Variants in DOCK9 observed in about 807,000 individuals in gnomAD.
DOCK9 encodes the protein dedicator of cytokinesis 9.
In DOCK9, 89 loss-of-function variants were observed where a neutral mutation model predicts 263.3. The observed-to-expected ratio is 0.34, with a 90% confidence interval of 0.28 to 0.40. The LOEUF is 0.40. DOCK9 is among the 10% of genes least tolerant of loss of function. The pLI is 1.00. For missense variants in DOCK9, 2,140 were observed against 2,603.4 expected, an observed-to-expected ratio of 0.82 and a Z score of 3.87; for synonymous variants, 976 against 973.1, an observed-to-expected ratio of 1.00 and a Z score of -0.06.
chr13:98,809,361 G>T lies in DOCK9; in HGVS notation c.5358C>A (p.Phe1786Leu), dbSNP rs1239861899. 6.2e-7 allele frequency: 1 copy of T among 1,613,602 alleles called. No individual in the cohort carries two copies. Residue 1786 changes from phenylalanine (F) to leucine (L), a missense_variant, in exon 47 of 53, where the codon TTC becomes TTA. By Grantham distance (22) the Phe-to-Leu change is conservative. Transcript: ENST00000682017. ...TGGACAGGAGGCTCACCTGCCCGAA[G>T]AAGGCTACCCGGAAGTAGGTCCCCA... ...RLLGTYFRVA[F>L]FGQGFFEDED...
At chr13:98,910,829 A>T (rs7986473) in intron 9 of DOCK9, among the ~76,000 whole-genome samples, 4 of 152,130 alleles carry the variant, frequency 2.6e-5, no homozygotes, top group South Asian at 2.1e-4. Flanking sequence ...ACCTCTTCAT[A>T]CCCTGGGTAA....
intron 49 of DOCK9, among the ~76,000 whole-genome samples, chr13:98,803,842 A>G (rs1176408919): frequency 1.3e-5 from 2 of 152,224 alleles, no homozygotes; most frequent in African/African-American, 4.8e-5. Flanking sequence ...CACTTTAAGA[A>G]CACAGTTTTG....
chr13:98,913,419 T>C (rs1005083483), intron 9 of DOCK9, among the ~76,000 whole-genome samples: 1 of 152,056 alleles, frequency 6.6e-6, no homozygotes, highest in Admixed American at 6.6e-5. Context: ...GCTTTGTTTA[T>C]AATAGAAAAA....
chr13:99,004,205 A>C (rs1415675927), intron 1 of DOCK9, among the ~76,000 whole-genome samples: 1 of 152,154 alleles, frequency 6.6e-6, no homozygotes, highest in African/African-American at 2.4e-5. Context: ...TGGCAGCCTT[A>C]TGGGCCCTCT....
At chr13:99,073,599 G>A (rs936094658) in intron 1 of DOCK9, among the ~76,000 whole-genome samples, 1 of 152,102 alleles carries the variant, frequency 6.6e-6, no homozygotes, top group African/African-American at 2.4e-5. Flanking sequence ...TCCCTTTAAG[G>A]CTAGGGGGTT....
At chr13:98,834,839 A>G (rs1346227503) in intron 39 of DOCK9, among the ~76,000 whole-genome samples, 2 of 152,200 alleles carry the variant, frequency 1.3e-5, no homozygotes, top group African/African-American at 2.4e-5. Context: ...TCATTCAAAT[A>G]CCTTGATCTT....
chr13:98,798,947 C>T (rs2089781700), intron 50 of DOCK9, among the ~76,000 whole-genome samples: 1 of 152,206 alleles, frequency 6.6e-6, no homozygotes, highest in African/African-American at 2.4e-5. Context: ...GTGCCACACC[C>T]CTCCAGCGGC....
rs2093934791 is a variant in DOCK9, at chr13:98,863,535, G to C, written c.3300C>G (p.Asp1100Glu). 6.2e-7 allele frequency: 1 copy of C among 1,609,962 alleles called. No homozygotes were observed. The highest frequency in any genetic ancestry group is 8.5e-7 in the Non-Finnish European group (1 of 1,177,286). ...TGCAGAACTCATCTGTTAATGAGTA[G>C]TCAAGCTGGAGGTCTGAAATGAGGA... ...RIQRYQDLQL[D>E]YSLTDEFCRN... Residue 1100 changes from aspartate (D) to glutamate (E), a missense_variant, in exon 31 of 53, where the codon GAC becomes GAG. Physicochemically the swap from Asp to Glu is conservative, Grantham distance 45 (BLOSUM62 2). This residue lies in a region of DOCK9 where 1,521 missense variants were observed against 1,741.7 expected (regional missense o/e 0.87). Coordinates refer to ENST00000682017, the MANE Select transcript of DOCK9 (RefSeq NM_001366683.2).
rs773568967 is a variant in DOCK9, at chr13:98,883,843, G to A, written c.2439C>T (p.Ser813=). The A allele has an allele frequency of 1.2e-5, 20 of 1,612,320 alleles. No individual in the cohort carries two copies. The South Asian group carries it at 1.8e-4, about 14-fold the overall frequency. The change falls in exon 22 of 53, where the codon TCC becomes TCT. Residue 813 remains serine, a synonymous_variant. Coordinates refer to ENST00000682017, the MANE Select transcript of DOCK9 (RefSeq NM_001366683.2). The part of the protein sequence containing the change: ...VDGGKPLLKI[S]THLVSTVYTQ... ...TATACACTGTAGAAACCAGATGAGTGGAAATTTTCAGCAGTGGCTTGCCTC... is the reference window on the plus strand; with the variant it reads ...TATACACTGTAGAAACCAGATGAGTAGAAATTTTCAGCAGTGGCTTGCCTC...
intron 1 of DOCK9, among the ~76,000 whole-genome samples, chr13:99,066,458 A>G (rs2041421236): frequency 6.6e-6 from 1 of 152,196 alleles, no homozygotes; most frequent in South Asian, 2.1e-4. Flanking sequence ...AACTGGTTTC[A>G]TTTTCAATTC....
intron 2 of DOCK9, among the ~76,000 whole-genome samples, chr13:98,944,290 A>G (rs1194866014): frequency 6.7e-6 from 1 of 149,862 alleles, no homozygotes; most frequent in Non-Finnish European, 1.5e-5. Context: ...TCTTCTAGTT[A>G]CATGTGTAGT....
intron 1 of DOCK9, among the ~76,000 whole-genome samples, chr13:98,976,748 C>G (rs143086608): frequency 6.2e-4 from 95 of 152,282 alleles, no homozygotes; most frequent in Admixed American, 2.5e-3. Context: ...CTTTTCAGTT[C>G]AGGGTTAGCA....
At chr13:99,016,298 A>G (rs1885405977) in intron 1 of DOCK9, among the ~76,000 whole-genome samples, 1 of 152,216 alleles carries the variant, frequency 6.6e-6, no homozygotes, top group African/African-American at 2.4e-5. Context: ...ACGTATGGAT[A>G]ACAGCTTGCT....
At chr13:98,981,348 T>G (rs1411908477), upstream of DOCK9, among the ~76,000 whole-genome samples, 1 of 152,244 alleles carries the variant, frequency 6.6e-6, no homozygotes, top group African/African-American at 2.4e-5. Context: ...TGAGCTACCA[T>G]GCCTGGCCCA....
At chr13:98,816,092 G>A (rs1566581291) in intron 45 of DOCK9, among the ~76,000 whole-genome samples, 1 of 152,070 alleles carries the variant, frequency 6.6e-6, no homozygotes, top group Admixed American at 6.5e-5. Context: ...TCTACTACAT[G>A]CAAGGCACAG....
At chr13:98,905,158 T>C (rs2048892585) in intron 9 of DOCK9, among the ~76,000 whole-genome samples, 1 of 152,006 alleles carries the variant, frequency 6.6e-6, no homozygotes, top group Non-Finnish European at 1.5e-5. Context: ...TGTGACTGGG[T>C]GCAAGAAGGG....
At chr13:99,024,202 G>C (rs1041294651) in intron 1 of DOCK9, among the ~76,000 whole-genome samples, 3 of 152,188 alleles carry the variant, frequency 2.0e-5, no homozygotes. Context: ...GAACACATCT[G>C]CAAGGGCTGA....
intron 30 of DOCK9, among the ~76,000 whole-genome samples, chr13:98,864,618 ATG>A (rs1753672605): frequency 6.6e-6 from 1 of 152,204 alleles, no homozygotes; most frequent in African/African-American, 2.4e-5. Flanking sequence ...TTGAGTTCAC[ATG>A]TCTCTTGGAA....
intron 13 of DOCK9, 38 bp downstream of exon 13, chr13:98,901,740 T>G (rs1276360607): frequency 6.2e-7 from 1 of 1,600,776 alleles, no homozygotes; most frequent in African/African-American, 1.3e-5. Flanking sequence ...CTTTTCAGAT[T>G]GCTTTTTACC....
Sources: gnomAD v4.1 joint callset for allele counts (sites outside exome capture counted in the v4.1 genomes callset) on GRCh38, gnomAD v4.1.1 for gene constraint, gnomAD v4.1.1 regional missense constraint, MANE v1.5 for transcripts, NCBI Gene and HGNC (gene_info 2026-07-23, HGNC 2026-07-21) for gene names.